The following USF3 variants were observed in gnomAD, a reference collection of about 807,000 sequenced individuals.
The protein encoded by USF3 is basic helix-loop-helix domain-containing protein USF3.
A neutral mutation model predicts 157.5 loss-of-function variants in USF3; 29 were observed. The observed-to-expected ratio is 0.18, with a 90% CI of 0.14 to 0.25. The LOEUF is 0.25. Ranked by LOEUF, USF3 falls within the 10% of genes least tolerant of loss-of-function variation. The probability of loss-of-function intolerance (pLI) is 1.00; values close to 1 mark genes in which losing one functional copy is unlikely to be tolerated. For synonymous variants in USF3, 893 were observed against 941.4 expected (o/e 0.95, Z 0.94); for missense variants, 2,381 against 2,667.6 (o/e 0.89, Z 2.37).
intron 1 of USF3, among the ~76,000 whole-genome samples, chr3:113,679,138 T>C (rs1008291077): frequency 1.3e-5 from 2 of 152,044 alleles, no homozygotes. Context: ...CCTTAGTTTT[T>C]GAATGCCAAA....
chr3:113,693,183 G>C (rs913533818), intron 1 of USF3, among the ~76,000 whole-genome samples: 1 of 152,124 alleles, frequency 6.6e-6, no homozygotes, highest in African/African-American at 2.4e-5. Context: ...TAACTGCCTA[G>C]TAATCACAAA....
Position 113,657,738 on chromosome 3 carries a change from G to A in USF3, c.3944C>T (p.Pro1315Leu). 1 of 1,614,086 alleles carries A rather than the reference G, an allele frequency of 6.2e-7. No individual in the cohort carries two copies. The highest frequency in any genetic ancestry group is 8.5e-7 in the Non-Finnish European group (1 of 1,179,994). Reference protein sequence around the residue: ...STIPNSQIQEPLLKPSHESRK... With the variant: ...STIPNSQIQELLLKPSHESRK... ...GCTTTCATGGCTTGGCTTTAAGAGT[G>A]GCTCTTGAATCTGTGAATTTGGTAT... Residue 1315 changes from proline (P) to leucine (L), a missense_variant, in exon 7 of 7, where the codon CCA (proline) becomes CTA (leucine). Around this residue, in one of 6 missense-constraint regions of USF3, gnomAD observed 1,435 missense variants for 1,550.9 expected, o/e 0.93. Transcript: ENST00000316407.
At chr3:113,682,590 GTCTA>G (rs1298781827) in intron 1 of USF3, among the ~76,000 whole-genome samples, 1 of 152,112 alleles carries the variant, frequency 6.6e-6, no homozygotes, top group Non-Finnish European at 1.5e-5. Context: ...TTGTATTGGG[GTCTA>G]TCTCTCTTTG....
intron 4 of USF3, among the ~76,000 whole-genome samples, chr3:113,672,798 G>A (rs1184417565): frequency 6.6e-6 from 1 of 152,152 alleles, no homozygotes; most frequent in African/African-American, 2.4e-5. Flanking sequence ...GATACAGTGT[G>A]CCAAATTCCA....
In USF3 at chr3:113,683,809, T is replaced by C. The variant is rs531817222; in HGVS notation, c.-134-6412A>G. Among the ~76,000 whole-genome samples the C allele has an allele frequency of 4.6e-5, 7 of 152,356 alleles. No individual in the cohort carries two copies. The South Asian group carries it at 1.5e-3, about 32-fold the overall frequency. ...CCTTCTGATGTTTCTACTTATATCTTATTACACTATGTCTTAAAATGTTGT... is the reference window on the plus strand; with the variant it reads ...CCTTCTGATGTTTCTACTTATATCTCATTACACTATGTCTTAAAATGTTGT... On this transcript the variant is annotated intron_variant, in intron 1 of 6. Transcript: ENST00000316407.
rs1304039752 is a variant in USF3, at chr3:113,655,376, A to C, written c.6306T>G (p.Asp2102Glu). The C allele has an allele frequency of 6.2e-7, 1 of 1,613,970 alleles. No individual in the cohort carries two copies. Among genetic ancestry groups the C allele is most frequent in the African/African-American group, 1.3e-5 (1 of 74,906 alleles). The stretch of plus-strand genomic sequence containing the variant: ...AGAAGGAGGGCAGAGTATTTTGCGG[A>C]TCTACCGGGATGAGGGCTGGAGTTC... ...ATRTPALIPV[D>E]PQNTLPSFYP... The change falls in exon 7 of 7, where the codon GAT becomes GAG. Residue 2102 changes from aspartate to glutamate, a missense_variant. Asp to Glu is a conservative substitution (Grantham distance 45, BLOSUM62 2). This residue lies in a region of USF3 where 770 missense variants were observed against 824.2 expected (regional missense o/e 0.93). Transcript: ENST00000316407.
chr3:113,665,709 T>C (rs1947554577), intron 5 of USF3, among the ~76,000 whole-genome samples: 1 of 152,062 alleles, frequency 6.6e-6, no homozygotes, highest in Non-Finnish European at 1.5e-5. Context: ...ACACCTGTAA[T>C]GCCAGCTACT....
chr3:113,659,707 G>T lies in USF3; in HGVS notation c.1975C>A (p.Gln659Lys), dbSNP rs114317459. 3.7e-6 allele frequency: 6 copies of T among 1,614,100 alleles called. No individual in the cohort carries two copies. Among genetic ancestry groups the T allele is most frequent in the Admixed American group, 3.3e-5 (2 of 60,000 alleles). Reference sequence around the variant, plus strand: ...TTTAAAGAAATGGTTTGAGGCTGTTGGTTTGACATGGTAACAGAAAAAGTT... The same window carrying T: ...TTTAAAGAAATGGTTTGAGGCTGTTTGTTTGACATGGTAACAGAAAAAGTT... ...TQTFSVTMSNQQPQTISLNGQ... is the reference protein window; with the variant it reads ...TQTFSVTMSNKQPQTISLNGQ... The change falls in exon 7 of 7, where the codon CAA (glutamine) becomes AAA (lysine). Residue 659 changes from glutamine to lysine, a missense_variant. Coordinates refer to ENST00000316407, the MANE Select transcript of USF3 (RefSeq NM_001009899.4).
In USF3 at chr3:113,659,671, A is replaced by C. The variant is rs908221155; in HGVS notation, c.2011T>G (p.Phe671Val). 2 of 1,614,268 alleles carry C rather than the reference A, an allele frequency of 1.2e-6. No homozygotes were observed. The highest frequency in any genetic ancestry group is 2.7e-5 in the African/African-American group (2 of 75,078). ...GAAGACATCACAGGCTGCAAAGCAA[A>C]GAGCTGTCCATTTAAAGAAATGGTT... is the stretch of plus-strand genomic sequence containing the variant. ...PQTISLNGQL[F>V]ALQPVMSSSG... is the part of the protein sequence containing the mutation. The change falls in exon 7 of 7, where the codon TTT becomes GTT. Residue 671 changes from phenylalanine to valine, a missense_variant. Phe to Val is a conservative substitution (Grantham distance 50). Coordinates refer to ENST00000316407, the MANE Select transcript of USF3 (RefSeq NM_001009899.4).
intron 1 of USF3, among the ~76,000 whole-genome samples, chr3:113,692,898 T>C (rs1019049783): frequency 1.4e-4 from 22 of 152,202 alleles, no homozygotes; most frequent in African/African-American, 4.8e-4. Flanking sequence ...ATTTTATGAA[T>C]AATAAATGTA....
chr3:113,659,280 C>A lies in USF3; in HGVS notation c.2402G>T (p.Gly801Val), dbSNP rs910074568. ...KSKRLNKKPG[G>V]RKHLAANKSA... ...CTTGTTTGCTGCTAAGTGTTTCCTG[C>A]CACCTGGCTTCTTATTCAACCTTTT... Residue 801 changes from glycine (G) to valine (V), a missense_variant, in exon 7 of 7, where the codon GGC becomes GTC. Coordinates refer to ENST00000316407, the MANE Select transcript of USF3 (RefSeq NM_001009899.4). The A allele has an allele frequency of 8.7e-6, 14 of 1,614,062 alleles. No individual in the cohort carries two copies. The African/African-American group carries it at 1.3e-4, about 15-fold the overall frequency.
rs770087173 is a variant in USF3, at chr3:113,660,739, G to T, written c.943C>A (p.His315Asn). ...CTCAGGCAGGACTTGTTTCCATGGT[G>T]CACTTTAGTGGCAGTTGCTGAGGAG... ...HSSSATATKV[H>N]HGNKSCLSIQ... Residue 315 changes from histidine to asparagine, a missense_variant, in exon 7 of 7, where the codon CAC (histidine) becomes AAC (asparagine). His to Asn is a moderately conservative substitution (Grantham distance 68, BLOSUM62 1). Coordinates refer to ENST00000316407, the MANE Select transcript of USF3 (RefSeq NM_001009899.4). 1 of 1,614,094 alleles carries T rather than the reference G, an allele frequency of 6.2e-7. No individual in the cohort carries two copies. Among genetic ancestry groups the T allele is most frequent in the Non-Finnish European group, 8.5e-7 (1 of 1,180,044 alleles).
chr3:113,673,203 CAAT>C, intron 4 of USF3, 142 bp downstream of exon 4: 1 of 615,440 alleles, frequency 1.6e-6, no homozygotes, highest in Non-Finnish European at 2.9e-6. Context: ...AGTATTTTGT[CAAT>C]AAAAAACAAT....
intron 1 of USF3, among the ~76,000 whole-genome samples, chr3:113,691,641 A>T (rs1707686905): frequency 6.6e-6 from 1 of 152,180 alleles, no homozygotes; most frequent in Non-Finnish European, 1.5e-5. Flanking sequence ...AGCCCCATGG[A>T]TCCTTATGAT....
intron 1 of USF3, among the ~76,000 whole-genome samples, chr3:113,695,552 G>A (rs899413899): frequency 4.6e-5 from 7 of 152,336 alleles, no homozygotes; most frequent in Admixed American, 3.9e-4. Flanking sequence ...GATCTGTGTG[G>A]TGTTAGGTTA....
rs1947422967 is a variant in USF3, at chr3:113,658,914, T to C, written c.2768A>G (p.Asp923Gly). ...TAATGCTAAACTACTTGGTGGTTTA[T>C]CCTGAGATGTCTCTTGTTGTAGATT... is the stretch of plus-strand genomic sequence containing the variant. Reference protein sequence around the residue: ...TPNLQQETSQDKPPSSLALSD... With the variant: ...TPNLQQETSQGKPPSSLALSD... The change falls in exon 7 of 7, where the codon GAT becomes GGT. Residue 923 changes from aspartate (D) to glycine (G), a missense_variant. Asp to Gly is a moderately conservative substitution (Grantham distance 94). This residue lies in a region of USF3 where 1,435 missense variants were observed against 1,550.9 expected (regional missense o/e 0.93). Coordinates refer to ENST00000316407, the MANE Select transcript of USF3 (RefSeq NM_001009899.4). The C allele has an allele frequency of 6.2e-7, 1 of 1,614,220 alleles. No individual in the cohort carries two copies. The highest frequency in any genetic ancestry group is 8.5e-7 in the Non-Finnish European group (1 of 1,180,030).
At chr3:113,661,662 C>G (rs893326060) in intron 6 of USF3, among the ~76,000 whole-genome samples, 1 of 152,128 alleles carries the variant, frequency 6.6e-6, no homozygotes, top group Non-Finnish European at 1.5e-5. Flanking sequence ...AAAAATTACT[C>G]ATAATGTAGA....
intron 1 of USF3, among the ~76,000 whole-genome samples, chr3:113,691,445 G>A (rs1417448766): frequency 6.6e-6 from 1 of 152,194 alleles, no homozygotes; most frequent in Non-Finnish European, 1.5e-5. Context: ...CAAATCCGAT[G>A]AACTTTGTAA....
chr3:113,651,590 C>G lies in USF3; in HGVS notation c.*3354G>C, dbSNP rs1388714730. 6.6e-6 allele frequency: 1 copy of G among 152,244 alleles called. No individual in the cohort carries two copies. Among genetic ancestry groups the G allele is most frequent in the Non-Finnish European group, 1.5e-5 (1 of 68,038 alleles). 9.4% of individuals were successfully genotyped at this position (152,244 alleles called of 1,614,324 possible). ...AAAAATTATATCCAAATTAACACTA[C>G]ATACCATATAACAAATTTCTTCCCA... On this transcript the variant is annotated 3_prime_UTR_variant, in exon 7 of 7. Coordinates refer to ENST00000316407, the MANE Select transcript of USF3 (RefSeq NM_001009899.4).
Sources: gnomAD v4.1 joint callset for allele counts (sites outside exome capture counted in the v4.1 genomes callset) on GRCh38, gnomAD v4.1.1 for gene constraint, gnomAD v4.1.1 regional missense constraint, MANE v1.5 for transcripts, NCBI Gene and HGNC (gene_info 2026-07-23, HGNC 2026-07-21) for gene names.